NAALADL2: variants seen among roughly 807,000 people sequenced by gnomAD.
NAALADL2 encodes the protein N-acetylated alpha-linked acidic dipeptidase like 2.
Under a neutral mutation model 87.2 loss-of-function variants are expected in NAALADL2, and 76 were observed. The observed-to-expected ratio is 0.87, with a 90% CI of 0.72 to 1.05. The LOEUF is 1.05. Ranked by LOEUF, NAALADL2 falls within the 50% of genes least tolerant of loss-of-function variation. The pLI, the probability that NAALADL2 is intolerant of heterozygous loss-of-function variation, is 0.00. For missense variants in NAALADL2, 1,089 were observed against 945.8 expected (o/e 1.15, Z -1.99); for synonymous variants, 354 against 331.0 (o/e 1.07, Z -0.75).
chr3:174,750,624 G>T (rs897297167), intron 3 of NAALADL2, among the ~76,000 whole-genome samples: 10 of 151,974 alleles, frequency 6.6e-5, no homozygotes, highest in Admixed American at 2.0e-4. Context: ...AGTAGAGACA[G>T]GGTTTCACCA....
intron 1 of NAALADL2, among the ~76,000 whole-genome samples, chr3:174,932,237 C>A (rs1203813095): frequency 3.9e-5 from 6 of 152,106 alleles, no homozygotes; most frequent in Admixed American, 1.3e-4. Context: ...TCTCTAACAG[C>A]ATATCATTAA....
At chr3:175,518,819 G>T (rs906490536) in intron 9 of NAALADL2, among the ~76,000 whole-genome samples, 1 of 152,152 alleles carries the variant, frequency 6.6e-6, no homozygotes, top group Non-Finnish European at 1.5e-5. Flanking sequence ...CTGCCACAGT[G>T]GGGATTAAGT....
intron 1 of NAALADL2, among the ~76,000 whole-genome samples, chr3:175,005,454 C>T (rs1748887022): frequency 6.6e-6 from 1 of 152,154 alleles, no homozygotes; most frequent in Non-Finnish European, 1.5e-5. Context: ...TGTCGAACCT[C>T]CTTGTGAAAA....
chr3:175,648,576 C>G (rs1730334749), intron 11 of NAALADL2, among the ~76,000 whole-genome samples: 1 of 149,006 alleles, frequency 6.7e-6, no homozygotes, highest in Non-Finnish European at 1.5e-5. Context: ...GTGCCAATGT[C>G]ACATACATTT....
chr3:175,130,986 G>T (rs959562488), intron 2 of NAALADL2, among the ~76,000 whole-genome samples: 6 of 152,082 alleles, frequency 3.9e-5, no homozygotes, highest in African/African-American at 1.2e-4. Context: ...ATCTGTCAAT[G>T]ACTTTGGGTA....
At chr3:174,747,162 T>A (rs1292025605) in intron 3 of NAALADL2, among the ~76,000 whole-genome samples, 1 of 151,868 alleles carries the variant, frequency 6.6e-6, no homozygotes, top group Non-Finnish European at 1.5e-5. Flanking sequence ...TGAGAGAAAA[T>A]TTTTGCAATG....
chr3:175,511,312 T>C (rs1267072307), intron 9 of NAALADL2, among the ~76,000 whole-genome samples: 1 of 152,160 alleles, frequency 6.6e-6, no homozygotes, highest in Non-Finnish European at 1.5e-5. Context: ...ATGATTCTAT[T>C]TAGAGATAGG....
At chr3:175,737,137 ATAAAAT>A (rs1233607238) in intron 11 of NAALADL2, among the ~76,000 whole-genome samples, 163 bp from the exon 12 acceptor site, 3 of 152,186 alleles carry the variant, frequency 2.0e-5, no homozygotes, top group African/African-American at 7.2e-5. Context: ...TTATAGAAAG[ATAAAAT>A]TAAATAAAGA....
At chr3:174,712,310 A>G (rs1259118591) in intron 2 of NAALADL2, among the ~76,000 whole-genome samples, 1 of 151,590 alleles carries the variant, frequency 6.6e-6, no homozygotes, top group Non-Finnish European at 1.5e-5. Flanking sequence ...AACGTATCCT[A>G]ATGCTATGAT....
intron 3 of NAALADL2, among the ~76,000 whole-genome samples, chr3:174,790,783 C>T (rs1269446173): frequency 6.6e-6 from 1 of 151,484 alleles, no homozygotes; most frequent in East Asian, 1.9e-4. Flanking sequence ...TAATATAAAC[C>T]CAATTGATAA....
At chr3:175,003,138 C>T (rs1398095593) in intron 1 of NAALADL2, among the ~76,000 whole-genome samples, 1 of 152,174 alleles carries the variant, frequency 6.6e-6, no homozygotes, top group Non-Finnish European at 1.5e-5. Flanking sequence ...CTGAAATTCT[C>T]ATTAAAAAAT....
chr3:175,041,982 A>G (rs905705146), intron 1 of NAALADL2, among the ~76,000 whole-genome samples: 2 of 152,166 alleles, frequency 1.3e-5, no homozygotes, highest in African/African-American at 4.8e-5. Context: ...ACAAAACAGC[A>G]TTATTAACTA....
chr3:174,497,093 GC>G (rs1179179588), intron 1 of NAALADL2, among the ~76,000 whole-genome samples: 1 of 152,030 alleles, frequency 6.6e-6, no homozygotes, highest in African/African-American at 2.4e-5. Context: ...CAGTTATTTT[GC>G]CAAAACATTT....
At chr3:175,029,203 A>G (rs989585119) in intron 1 of NAALADL2, among the ~76,000 whole-genome samples, 1 of 151,998 alleles carries the variant, frequency 6.6e-6, no homozygotes, top group South Asian at 2.1e-4. Flanking sequence ...AAACTGAAAA[A>G]CTTGTTTTTA....
intron 11 of NAALADL2, among the ~76,000 whole-genome samples, chr3:175,708,881 C>T (rs932189001): frequency 1.3e-5 from 2 of 151,446 alleles, no homozygotes; most frequent in African/African-American, 4.9e-5. Context: ...AGAAGAAGTG[C>T]AGATATCACT....
intron 1 of NAALADL2, among the ~76,000 whole-genome samples, chr3:175,062,328 A>G (rs28632194): frequency 0.013 from 2,037 of 152,262 alleles, 54 homozygotes; most frequent in African/African-American, 0.047. Context: ...TTCTATGGCA[A>G]TCTTATTTTT....
At chr3:175,575,930 T>C in intron 9 of NAALADL2, 111 bp from the exon 10 acceptor site, 1 of 881,372 alleles carries the variant, frequency 1.1e-6, no homozygotes, top group Non-Finnish European at 1.7e-6. Flanking sequence ...TTTAACAGTC[T>C]CCAGGGAGAC....
chr3:174,930,770 C>A (rs956765931), intron 1 of NAALADL2, among the ~76,000 whole-genome samples: 1 of 151,268 alleles, frequency 6.6e-6, no homozygotes, highest in Non-Finnish European at 1.5e-5. Context: ...TACAGGCACC[C>A]GCCACCATTC....
At chr3:175,022,296 A>G (rs1225008495) in intron 1 of NAALADL2, among the ~76,000 whole-genome samples, 1 of 152,052 alleles carries the variant, frequency 6.6e-6, no homozygotes, top group Admixed American at 6.6e-5. Flanking sequence ...GTACAAATAA[A>G]TAGTTTGTAA....
Sources: gnomAD v4.1 joint callset for allele counts (sites outside exome capture counted in the v4.1 genomes callset) on GRCh38, gnomAD v4.1.1 for gene constraint, MANE v1.5 for transcripts, NCBI Gene and HGNC (gene_info 2026-07-23, HGNC 2026-07-21) for gene names.